Variants in SHISA9 observed in about 807,000 individuals in gnomAD.
The protein encoded by SHISA9 is protein shisa-9.
A neutral mutation model predicts 38.0 loss-of-function variants in SHISA9; 13 were observed. The observed-to-expected ratio is 0.34, with a 90% CI of 0.22 to 0.54. The LOEUF (loss-of-function observed/expected upper bound fraction) is 0.54, where lower values mean the gene tolerates loss of function less well. Ranked by LOEUF, SHISA9 falls within the 20% of genes least tolerant of loss-of-function variation. SHISA9 has a pLI of 0.91. For synonymous variants in SHISA9, 275 were observed against 242.0 expected, an observed-to-expected ratio of 1.14 and a Z score of -1.27; for missense variants, 538 against 575.8, an observed-to-expected ratio of 0.93 and a Z score of 0.67.
At chr16:12,935,619 A>G (rs1202044439) in intron 2 of SHISA9, among the ~76,000 whole-genome samples, 2 of 152,108 alleles carry the variant, frequency 1.3e-5, no homozygotes, top group African/African-American at 4.8e-5. Flanking sequence ...AGGCTGAGGC[A>G]GGTGGATCAC....
chr16:13,008,276 A>T (rs998367222), intron 2 of SHISA9, among the ~76,000 whole-genome samples: 6 of 152,112 alleles, frequency 3.9e-5, no homozygotes, highest in Non-Finnish European at 5.9e-5. Flanking sequence ...CAGTGGTAAC[A>T]TGTTCATTAA....
At chr16:13,316,195 G>A in the SHISA9 span, among the ~76,000 whole-genome samples, 1 of 152,128 alleles carries the variant, frequency 6.6e-6, no homozygotes, top group Non-Finnish European at 1.5e-5. Context: ...CCTGGGAAGC[G>A]AGGGTGGAGG....
At chr16:13,052,987 A>G in intron 2 of SHISA9, among the ~76,000 whole-genome samples, 1 of 112,550 alleles carries the variant, frequency 8.9e-6, no homozygotes, top group Non-Finnish European at 1.7e-5. Flanking sequence ...TTTTTGAGGC[A>G]GAGTCTTGCT....
At chr16:13,521,010 G>A in the SHISA9 span, among the ~76,000 whole-genome samples, 1 of 152,138 alleles carries the variant, frequency 6.6e-6, no homozygotes. Flanking sequence ...ATACACTCCT[G>A]TTAACCTAGG....
At chr16:13,190,395 G>A (rs1015094925) in intron 2 of SHISA9, among the ~76,000 whole-genome samples, 11 of 152,154 alleles carry the variant, frequency 7.2e-5, no homozygotes, top group African/African-American at 7.2e-5. Context: ...CGTTAGGGAT[G>A]TTCTGTTTCA....
chr16:13,304,136 C>A, the SHISA9 span, among the ~76,000 whole-genome samples: 3 of 152,196 alleles, frequency 2.0e-5, no homozygotes, highest in African/African-American at 7.2e-5. Context: ...TTTCTCCAAC[C>A]TCTGTCTTTG....
intron 1 of SHISA9, among the ~76,000 whole-genome samples, chr16:12,916,043 T>C (rs1289975526): frequency 7.9e-6 from 1 of 127,370 alleles, no homozygotes; most frequent in East Asian, 2.8e-4. Flanking sequence ...TAAGTTTACA[T>C]CTAATCATGA....
intron 2 of SHISA9, among the ~76,000 whole-genome samples, chr16:12,962,380 T>C (rs1383717380): frequency 6.6e-6 from 1 of 152,210 alleles, no homozygotes; most frequent in Non-Finnish European, 1.5e-5. Context: ...TGAATGATAG[T>C]TGCCAGGTTC....
At chr16:13,003,740 C>T (rs1475617385) in intron 2 of SHISA9, among the ~76,000 whole-genome samples, 1 of 152,124 alleles carries the variant, frequency 6.6e-6, no homozygotes, top group Admixed American at 6.5e-5. Flanking sequence ...TGCCTGTAAT[C>T]CCAGCTACTC....
chr16:13,218,412 G>A (rs146937942), intron 4 of SHISA9, among the ~76,000 whole-genome samples: 7 of 152,286 alleles, frequency 4.6e-5, no homozygotes, highest in East Asian at 3.9e-4. Flanking sequence ...CACAGCATCC[G>A]TTTACATACC....
At chr16:13,444,624 G>A in the SHISA9 span, among the ~76,000 whole-genome samples, 1 of 152,016 alleles carries the variant, frequency 6.6e-6, no homozygotes, top group African/African-American at 2.4e-5. Flanking sequence ...TGTTTGTAGA[G>A]AGCTGCTCAG....
At chr16:13,460,030 C>T in the SHISA9 span, among the ~76,000 whole-genome samples, 1 of 152,130 alleles carries the variant, frequency 6.6e-6, no homozygotes, top group Non-Finnish European at 1.5e-5. Context: ...ACCTGAGCCT[C>T]CCAAAGTGCT....
chr16:13,310,666 A>G, the SHISA9 span, among the ~76,000 whole-genome samples: 1 of 150,520 alleles, frequency 6.6e-6, no homozygotes, highest in Middle Eastern at 3.5e-3. Flanking sequence ...ATTATAATTA[A>G]TGTCATTGAT....
rs112295872 is a variant in SHISA9, at chr16:13,161,434, C to T, written c.692-41960C>T. Among the ~76,000 whole-genome samples the T allele has an allele frequency of 8.6e-3, 1,311 of 152,312 alleles. 9 individuals carry two copies. Among genetic ancestry groups the T allele is most frequent in the Non-Finnish European group, 0.013 (873 of 68,034 alleles). ...TTCTCTGAACCTATCTTGCAACATC[C>T]TTCTGAGCAGCTTCTGACCCAGTTA... On this transcript the variant is annotated intron_variant, in intron 2 of 4. Coordinates refer to ENST00000558583, the MANE Select transcript of SHISA9 (RefSeq NM_001145204.3).
chr16:13,470,144 G>C, the SHISA9 span, among the ~76,000 whole-genome samples: 9 of 152,082 alleles, frequency 5.9e-5, no homozygotes, highest in Non-Finnish European at 1.0e-4. Context: ...AATAAGAAAA[G>C]TTGCCTCTCA....
chr16:13,148,836 T>C (rs1862812), intron 2 of SHISA9, among the ~76,000 whole-genome samples: 66,019 of 150,828 alleles, frequency 0.44, 15,935 homozygotes, highest in Middle Eastern at 0.54. Context: ...AAAAAAAAAA[T>C]TTTAAGTCTA....
At chr16:13,387,063 C>T in the SHISA9 span, among the ~76,000 whole-genome samples, 4 of 152,154 alleles carry the variant, frequency 2.6e-5, no homozygotes, top group African/African-American at 4.8e-5. Flanking sequence ...TTTAAGGAAT[C>T]TTCTTGCCAC....
the SHISA9 span, among the ~76,000 whole-genome samples, chr16:13,477,889 C>T: frequency 1.6e-4 from 25 of 152,080 alleles, no homozygotes; most frequent in Admixed American, 4.6e-4. Flanking sequence ...GGCCCGAACC[C>T]GGGAGGTGGA....
chr16:13,483,023 C>T, the SHISA9 span, among the ~76,000 whole-genome samples: 1 of 152,140 alleles, frequency 6.6e-6, no homozygotes, highest in East Asian at 1.9e-4. Context: ...CATTTCAGAC[C>T]TCCGCTTCCA....
Sources: allele counts gnomAD v4.1 joint callset (sites outside exome capture counted in the v4.1 genomes callset), GRCh38; gene constraint gnomAD v4.1.1; transcripts MANE v1.5; gene names NCBI Gene and HGNC (gene_info 2026-07-23, HGNC 2026-07-21).